OR52K1: variants seen among roughly 807,000 people sequenced by gnomAD.
OR52K1 encodes the protein olfactory receptor family 52 subfamily K member 1, also known as olfactory receptor 52K1.
OR52K1 carries 10 observed loss-of-function variants against 8.7 expected under a neutral mutation model. The observed-to-expected ratio is 1.15, with a 90% CI of 0.71 to 1.95. OR52K1 has a LOEUF of 1.95. OR52K1 is among the 30% of genes most tolerant of loss of function. OR52K1 has a pLI of 0.00. For missense variants in OR52K1, 431 were observed against 397.2 expected (o/e 1.08, Z -0.72); for synonymous variants, 203 against 148.5 (o/e 1.37, Z -2.67).
chr11:4,487,852 T>C (rs893603312), intron 1 of OR52K1, among the ~76,000 whole-genome samples: 1 of 152,112 alleles, frequency 6.6e-6, no homozygotes, highest in African/African-American at 2.4e-5. Context: ...TATACAAACA[T>C]ATATTTTATA....
In OR52K1 at chr11:4,489,839, C is replaced by T; in HGVS notation, c.939C>T (p.Asn313=). 1 of 1,592,252 alleles carries T rather than the reference C, an allele frequency of 6.3e-7. No homozygotes were observed. Among genetic ancestry groups the T allele is most frequent in the Non-Finnish European group, 8.6e-7 (1 of 1,166,978 alleles). Residue 313 remains asparagine (N), a synonymous_variant, in exon 2 of 2, where the codon AAC becomes AAT. Transcript: ENST00000641528. ...EYVLSLFQRK[N]M is the part of the protein sequence containing the mutation. ...TGCTCAGTCTATTCCAGAGAAAGAA[C>T]ATGTAGATGGATAGTTCTCTTTTTT...
Position 4,491,610 on chromosome 11 carries a change from G to GA in OR52K1, c.*1767dup, listed in dbSNP as rs1399202380. On this transcript the variant is annotated 3_prime_UTR_variant, in exon 2 of 2. Transcript: ENST00000641528. ...TGGAATACTATGCAGCCGTCAAAAA[G>GA]AATAAGATCATGTCCTTTGCAGGAA... The GA allele has an allele frequency of 6.6e-6, 1 of 152,092 alleles. No individual in the cohort carries two copies. The highest frequency in any genetic ancestry group is 1.5e-5 in the Non-Finnish European group (1 of 67,990). 9.4% of individuals were successfully genotyped at this position (152,092 alleles called of 1,614,324 possible).
chr11:4,488,248 G>T (rs1489434198), intron 1 of OR52K1, among the ~76,000 whole-genome samples: 1 of 152,230 alleles, frequency 6.6e-6, no homozygotes, highest in East Asian at 1.9e-4. Context: ...ATTCTTGGTA[G>T]TCACTAGTCA....
At chr11:4,487,581 A>G (rs759311101) in intron 1 of OR52K1, among the ~76,000 whole-genome samples, 1 of 152,116 alleles carries the variant, frequency 6.6e-6, no homozygotes, top group Non-Finnish European at 1.5e-5. Context: ...AGATGGAAAC[A>G]ATAAGCCTAG....
At position 4,488,836 on chromosome 11, in the gene OR52K1, T is replaced by A; in HGVS notation, c.-65T>A. The A allele has an allele frequency of 9.2e-7, 1 of 1,090,762 alleles. No homozygotes were observed. Among genetic ancestry groups the A allele is most frequent in the South Asian group, 1.4e-5 (1 of 69,774 alleles). The allele number at this position is 1,090,762 out of a possible 1,614,324, so 67.6% of individuals were successfully genotyped here. On this transcript the variant is annotated 5_prime_UTR_variant, in exon 2 of 2. Transcript: ENST00000641528. ...CAGGTTGAACTCTAATCATATATAC[T>A]GTAGAAGGTATATATAGAAGGTGAA...
At chr11:4,486,261 A>G (rs991263250) in intron 1 of OR52K1, among the ~76,000 whole-genome samples, 30 of 152,192 alleles carry the variant, frequency 2.0e-4, no homozygotes, top group African/African-American at 6.8e-4. Context: ...TCCTTGACCT[A>G]TGGGGTGTGG....
At chr11:4,487,955 A>G (rs1408921617) in intron 1 of OR52K1, among the ~76,000 whole-genome samples, 1 of 152,182 alleles carries the variant, frequency 6.6e-6, no homozygotes, top group African/African-American at 2.4e-5. Flanking sequence ...AAGGTGAAAA[A>G]TTGTTAACAA....
chr11:4,484,604 G>T (rs548776410), intron 1 of OR52K1, among the ~76,000 whole-genome samples: 17 of 151,960 alleles, frequency 1.1e-4, no homozygotes, highest in African/African-American at 4.1e-4. Flanking sequence ...GTATGGAGTT[G>T]GATATCCTAG....
At chr11:4,484,712 G>A (rs1465608813) in intron 1 of OR52K1, among the ~76,000 whole-genome samples, 1 of 151,800 alleles carries the variant, frequency 6.6e-6, no homozygotes, top group South Asian at 2.1e-4. Flanking sequence ...CTAGAAAGAT[G>A]CAATATTCAC....
In OR52K1 at chr11:4,483,346, A is replaced by AT. The variant is rs148045050; in HGVS notation, c.-329+172dup. On this transcript the variant is annotated intron_variant, in intron 1 of 1. Coordinates refer to ENST00000641528, the MANE Select transcript of OR52K1 (RefSeq NM_001005171.3). The stretch of plus-strand genomic sequence containing the variant: ...AATAGATTCAGTATTAATTGAGTCC[A>AT]TTCTGGGTACAGAGGCCTTTTTTAA... Among the ~76,000 whole-genome samples the AT allele has an allele frequency of 5.0e-3, 768 of 152,362 alleles. 6 individuals are homozygous for AT. Among genetic ancestry groups the AT allele is most frequent in the African/African-American group, 0.018 (730 of 41,584 alleles).
intron 1 of OR52K1, among the ~76,000 whole-genome samples, chr11:4,484,519 GAGA>G (rs1207941522): frequency 6.6e-6 from 1 of 152,156 alleles, no homozygotes; most frequent in Non-Finnish European, 1.5e-5. Flanking sequence ...AGCACAAGAA[GAGA>G]AGTAGTCATG....
intron 1 of OR52K1, among the ~76,000 whole-genome samples, chr11:4,483,636 T>G (rs1846297760): frequency 6.6e-6 from 1 of 152,110 alleles, no homozygotes; most frequent in Non-Finnish European, 1.5e-5. Context: ...TTTTTTCTTG[T>G]ATGAAGATGG....
At chr11:4,487,266 G>C (rs1430603857) in intron 1 of OR52K1, among the ~76,000 whole-genome samples, 2 of 152,122 alleles carry the variant, frequency 1.3e-5, no homozygotes, top group Non-Finnish European at 2.9e-5. Flanking sequence ...AAAAGTAACA[G>C]TTCTACAGAA....
intron 1 of OR52K1, among the ~76,000 whole-genome samples, chr11:4,487,656 A>G (rs948640161): frequency 6.6e-6 from 1 of 152,182 alleles, no homozygotes; most frequent in African/African-American, 2.4e-5. Flanking sequence ...ACTATTAGCT[A>G]TAATATCTTA....
chr11:4,483,600 G>A (rs1027501034), intron 1 of OR52K1, among the ~76,000 whole-genome samples: 5 of 148,832 alleles, frequency 3.4e-5, no homozygotes, highest in Non-Finnish European at 1.5e-5. Context: ...GTCTTTTCAG[G>A]AAGAAATCTG....
At chr11:4,485,120 A>G (rs1286484459) in intron 1 of OR52K1, among the ~76,000 whole-genome samples, 1 of 152,244 alleles carries the variant, frequency 6.6e-6, no homozygotes, top group Non-Finnish European at 1.5e-5. Flanking sequence ...GTAGCATTTT[A>G]CATGGTAATA....
Position 4,488,848 on chromosome 11 carries a change from A to T in OR52K1, c.-53A>T. ...TAATCATATATACTGTAGAAGGTATATATAGAAGGTGAAGAAGCCCTGTAA... is the reference window on the plus strand; with the variant it reads ...TAATCATATATACTGTAGAAGGTATTTATAGAAGGTGAAGAAGCCCTGTAA... On this transcript the variant is annotated 5_prime_UTR_variant, in exon 2 of 2. Coordinates refer to ENST00000641528, the MANE Select transcript of OR52K1 (RefSeq NM_001005171.3). 1 of 1,226,696 alleles carries T rather than the reference A, an allele frequency of 8.2e-7. No individual in the cohort carries two copies. The highest frequency in any genetic ancestry group is 1.2e-6 in the Non-Finnish European group (1 of 843,212). 76.0% of individuals were successfully genotyped at this position (1,226,696 alleles called of 1,614,324 possible). A position where few individuals can be genotyped will look rare whatever the true frequency, so the allele number is the denominator to read the frequency against.
chr11:4,483,988 G>A (rs1391922017), intron 1 of OR52K1, among the ~76,000 whole-genome samples: 1 of 152,216 alleles, frequency 6.6e-6, no homozygotes, highest in Non-Finnish European at 1.5e-5. Flanking sequence ...TTGTAATCGG[G>A]ATGCTTAGAA....
intron 1 of OR52K1, among the ~76,000 whole-genome samples, chr11:4,486,293 C>T (rs1442586622): frequency 6.6e-6 from 1 of 152,140 alleles, no homozygotes; most frequent in East Asian, 1.9e-4. Context: ...TAAAAGTTCC[C>T]CTCTTCTGTG....
Sources: allele counts gnomAD v4.1 joint callset (sites outside exome capture counted in the v4.1 genomes callset), GRCh38; gene constraint gnomAD v4.1.1; transcripts MANE v1.5; gene names NCBI Gene and HGNC (gene_info 2026-07-23, HGNC 2026-07-21).